The following SMAD2 variants were observed in gnomAD, a reference collection of about 807,000 sequenced individuals.
SMAD2 encodes SMAD family member 2, also known as MAD homolog 2.
SMAD2 carries 8 observed loss-of-function variants against 64.4 expected under a neutral mutation model. The ratio of observed to expected loss-of-function variants is 0.12; its 90% CI spans 0.07 to 0.22. The LOEUF is 0.22. SMAD2 is among the 10% of genes least tolerant of loss of function. The pLI, the probability that SMAD2 is intolerant of heterozygous loss-of-function variation, is 1.00. For missense variants in SMAD2, 289 were observed against 561.2 expected (o/e 0.51, Z 4.90); for synonymous variants, 203 against 195.8 (o/e 1.04, Z -0.31).
intron 4 of SMAD2, among the ~76,000 whole-genome samples, 181 bp downstream of exon 4, chr18:47,869,062 T>G (rs1404601365): frequency 2.0e-5 from 3 of 152,134 alleles, no homozygotes. Context: ...GAAACAGATA[T>G]GTTTTCTCAT....
chr18:47,897,188 A>G (rs2033475434), intron 1 of SMAD2, among the ~76,000 whole-genome samples: 1 of 152,206 alleles, frequency 6.6e-6, no homozygotes, highest in Non-Finnish European at 1.5e-5. Context: ...ATACAAAAAT[A>G]CATTGAAAAT....
chr18:47,848,402 G>T, intron 8 of SMAD2, 73 bp downstream of exon 8: 2 of 1,158,034 alleles, frequency 1.7e-6, no homozygotes, highest in Non-Finnish European at 2.6e-6. Context: ...AGCTCTTGAT[G>T]TGGCACACCA....
At chr18:47,856,985 G>C (rs953252659) in intron 6 of SMAD2, among the ~76,000 whole-genome samples, 4 of 148,976 alleles carry the variant, frequency 2.7e-5, no homozygotes, top group Non-Finnish European at 6.0e-5. Context: ...AGCCTCCCAA[G>C]TAGCTGGGAC....
chr18:47,907,611 T>C (rs995381195), intron 1 of SMAD2, among the ~76,000 whole-genome samples: 5 of 152,212 alleles, frequency 3.3e-5, no homozygotes, highest in Non-Finnish European at 5.9e-5. Context: ...AATTCCTGAA[T>C]GTTTTCTATC....
At chr18:47,929,899 TCA>T (rs1474444269) in intron 1 of SMAD2, among the ~76,000 whole-genome samples, 1 of 151,972 alleles carries the variant, frequency 6.6e-6, no homozygotes, top group Admixed American at 6.5e-5. Flanking sequence ...TGAAGGATGA[TCA>T]CAGAGTTATC....
intron 6 of SMAD2, among the ~76,000 whole-genome samples, chr18:47,851,917 C>T (rs1317001733): frequency 1.3e-5 from 2 of 152,092 alleles, no homozygotes. Context: ...ACTGCCAGGT[C>T]GAAAGGTTTG....
chr18:47,890,687 C>G (rs1200320938), intron 2 of SMAD2, among the ~76,000 whole-genome samples: 1 of 152,170 alleles, frequency 6.6e-6, no homozygotes, highest in African/African-American at 2.4e-5. Context: ...GAAGCTGACA[C>G]AAAAACAGGT....
rs967567751 is a variant in SMAD2, at chr18:47,809,943, G to A, written c.*31884C>T. ...AGAGAAGATGCAGTATCATTTAAAT[G>A]CACAATAGACTTCTAGCCCATTTGC... On this transcript the variant is annotated 3_prime_UTR_variant, in exon 11 of 11. Coordinates refer to ENST00000262160, the MANE Select transcript of SMAD2 (RefSeq NM_005901.6). The A allele has an allele frequency of 2.0e-5, 3 of 152,190 alleles. No individual in the cohort carries two copies. The highest frequency in any genetic ancestry group is 4.8e-5 in the African/African-American group (2 of 41,442). 9.4% of individuals were successfully genotyped at this position (152,190 alleles called of 1,614,324 possible). A position where few individuals can be genotyped will look rare whatever the true frequency, so the allele number is the denominator to read the frequency against.
intron 2 of SMAD2, among the ~76,000 whole-genome samples, chr18:47,888,699 G>C (rs1047902221): frequency 6.6e-6 from 1 of 152,176 alleles, no homozygotes; most frequent in Non-Finnish European, 1.5e-5. Context: ...GGTAAAGGTA[G>C]GAAAGGTCAA....
At chr18:47,892,680 G>T (rs2033253502) in intron 2 of SMAD2, among the ~76,000 whole-genome samples, 1 of 152,006 alleles carries the variant, frequency 6.6e-6, no homozygotes, top group Admixed American at 6.6e-5. Context: ...TTAGGACTGG[G>T]TTTTTTCTAA....
chr18:47,874,849 C>T (rs912511394), intron 2 of SMAD2, among the ~76,000 whole-genome samples: 1 of 152,012 alleles, frequency 6.6e-6, no homozygotes, highest in Non-Finnish European at 1.5e-5. Flanking sequence ...CATAAACATA[C>T]GTATTTTTGA....
intron 1 of SMAD2, among the ~76,000 whole-genome samples, chr18:47,927,898 CAAAAT>C (rs968368646): frequency 1.1e-4 from 16 of 152,170 alleles, no homozygotes; most frequent in Non-Finnish European, 1.5e-4. Flanking sequence ...AACTCCGTCT[CAAAAT>C]AAAATAAAAT....
intron 2 of SMAD2, among the ~76,000 whole-genome samples, chr18:47,891,087 C>T (rs1383459740): frequency 6.6e-6 from 1 of 152,048 alleles, no homozygotes; most frequent in Admixed American, 6.5e-5. Flanking sequence ...GGCGGGTCAC[C>T]TGAGGTCAGG....
chr18:47,853,397 G>A (rs1310077514), intron 6 of SMAD2: 2 of 137,486 alleles, frequency 1.5e-5, no homozygotes, highest in African/African-American at 1.7e-4. Context: ...TCAACCGGGA[G>A]TACTACTCGA....
intron 1 of SMAD2, among the ~76,000 whole-genome samples, chr18:47,897,620 A>C (rs2033498667): frequency 6.6e-6 from 1 of 152,172 alleles, no homozygotes; most frequent in Admixed American, 6.5e-5. Flanking sequence ...TATTTTGTAT[A>C]TCTTGAAATT....
intron 3 of SMAD2, among the ~76,000 whole-genome samples, chr18:47,869,702 T>C (rs1331336868): frequency 6.6e-6 from 1 of 152,136 alleles, no homozygotes; most frequent in African/African-American, 2.4e-5. Context: ...GAAAAACTGA[T>C]TTTTTAAAAA....
chr18:47,873,280 AC>A (rs560118160), intron 2 of SMAD2, among the ~76,000 whole-genome samples: 1 of 152,184 alleles, frequency 6.6e-6, no homozygotes, highest in Non-Finnish European at 1.5e-5. Context: ...GTCAAACTAT[AC>A]AAAGAAACAT....
At chr18:47,922,220 GA>G (rs1267348238) in intron 1 of SMAD2, among the ~76,000 whole-genome samples, 1 of 152,136 alleles carries the variant, frequency 6.6e-6, no homozygotes, top group Non-Finnish European at 1.5e-5. Context: ...TATTTAGAAA[GA>G]AAACCAAAGT....
At chr18:47,897,636 T>C (rs1259180739) in intron 1 of SMAD2, among the ~76,000 whole-genome samples, 1 of 152,156 alleles carries the variant, frequency 6.6e-6, no homozygotes, top group African/African-American at 2.4e-5. Flanking sequence ...AAATTATTTT[T>C]TTATTTTTAT....
Sources: allele counts gnomAD v4.1 joint callset (sites outside exome capture counted in the v4.1 genomes callset), GRCh38; gene constraint gnomAD v4.1.1; transcripts MANE v1.5; gene names NCBI Gene and HGNC (gene_info 2026-07-23, HGNC 2026-07-21).